The following PRH1 variants were observed in gnomAD, a reference collection of about 807,000 sequenced individuals.
PRH1 encodes the protein salivary acidic proline-rich phosphoprotein 1/2.
A neutral mutation model predicts 7.9 loss-of-function variants in PRH1; 7 were observed. The ratio of observed to expected loss-of-function variants is 0.89; its 90% CI spans 0.50 to 1.67. PRH1 has a LOEUF of 1.67. Among genes scored for constraint, PRH1 ranks in the 40% most tolerant of loss-of-function variants. PRH1 has a pLI of 0.00. For missense variants in PRH1, 109 were observed against 223.6 expected, an observed-to-expected ratio of 0.49 and a Z score of 3.27; for synonymous variants, 45 against 80.8, an observed-to-expected ratio of 0.56 and a Z score of 2.38.
At chr12:11,000,049 C>A (rs1940508081) in intron 1 of PRH1, among the ~76,000 whole-genome samples, 1 of 152,086 alleles carries the variant, frequency 6.6e-6, no homozygotes, top group Non-Finnish European at 1.5e-5. Flanking sequence ...TTTCACATAT[C>A]ATTTGATGCA....
chr12:11,133,573 G>C (rs779911451), intron 1 of PRH1: 1 of 1,614,114 alleles, frequency 6.2e-7, no homozygotes, highest in Admixed American at 1.7e-5. Flanking sequence ...AAGCTTTTAT[G>C]TGGACCTTGG....
intron 1 of PRH1, among the ~76,000 whole-genome samples, chr12:10,999,336 A>G (rs528656667): frequency 6.6e-6 from 1 of 152,248 alleles, no homozygotes; most frequent in South Asian, 2.1e-4. Context: ...TTTTGGAAAG[A>G]TCTGGAGGCT....
chr12:11,107,657 G>A (rs1226600655), intron 1 of PRH1, among the ~76,000 whole-genome samples: 6 of 152,192 alleles, frequency 3.9e-5, no homozygotes, highest in African/African-American at 1.4e-4. Flanking sequence ...CTTCAAAGCT[G>A]CACGAATCAG....
chr12:11,073,053 A>G (rs1201012330), intron 1 of PRH1, among the ~76,000 whole-genome samples: 1 of 141,624 alleles, frequency 7.1e-6, no homozygotes, highest in African/African-American at 2.5e-5. Flanking sequence ...ACACCTGATA[A>G]TATTTGGAAA....
chr12:11,165,133 C>T (rs1424445267), intron 1 of PRH1, among the ~76,000 whole-genome samples: 1 of 152,200 alleles, frequency 6.6e-6, no homozygotes, highest in South Asian at 2.1e-4. Context: ...GTTCTCATTT[C>T]TCTTAAGAAT....
chr12:10,940,593 C>T (rs1424830509), intron 2 of PRH1, among the ~76,000 whole-genome samples: 8 of 152,136 alleles, frequency 5.3e-5, no homozygotes, highest in African/African-American at 1.7e-4. Context: ...ACATTTTTTT[C>T]ACATATACTC....
Position 10,966,616 on chromosome 12 carries a change from T to G in PRH1, c.-59+7039A>C, listed in dbSNP as rs540522590. ...ACCAGAGCCATCCAGCAAACCCAGCTTAGAAAAACTGAATCCAAAGACATG... is the reference window on the plus strand; with the variant it reads ...ACCAGAGCCATCCAGCAAACCCAGCGTAGAAAAACTGAATCCAAAGACATG... On this transcript the variant is annotated intron_variant, in intron 2 of 3. Coordinates refer to the PRH1 transcript ENST00000539853. Among the ~76,000 whole-genome samples the G allele has an allele frequency of 3.3e-5, 5 of 152,264 alleles. No individual in the cohort carries two copies. In the South Asian group the frequency reaches 8.3e-4, roughly 25 times the overall value.
intron 1 of PRH1, among the ~76,000 whole-genome samples, chr12:11,151,939 A>AT (rs112805039): frequency 6.0e-5 from 9 of 150,370 alleles, no homozygotes; most frequent in Admixed American, 2.0e-4. Context: ...GGTATGTCAT[A>AT]TTTTTTTTTT....
chr12:10,979,562 T>G (rs1743628040), intron 1 of PRH1, among the ~76,000 whole-genome samples: 1 of 152,224 alleles, frequency 6.6e-6, no homozygotes, highest in African/African-American at 2.4e-5. Context: ...GGCCTTACTC[T>G]GAATGAGTTG....
At chr12:10,916,323 A>G (rs769945278) in intron 2 of PRH1, among the ~76,000 whole-genome samples, 22 of 152,236 alleles carry the variant, frequency 1.4e-4, no homozygotes, top group Non-Finnish European at 2.5e-4. Flanking sequence ...ATGGGGACAC[A>G]GAAAAACCAT....
intron 3 of PRH1, among the ~76,000 whole-genome samples, chr12:10,881,947 A>G (rs1217989368): frequency 6.6e-6 from 1 of 152,210 alleles, no homozygotes; most frequent in Non-Finnish European, 1.5e-5. Flanking sequence ...CAAAGGGGGA[A>G]CATGGTTCTA....
intron 1 of PRH1, chr12:11,092,351 G>A (rs116645945): frequency 0.047 from 16,233 of 348,838 alleles, 3,771 homozygotes; most frequent in Middle Eastern, 0.085. Flanking sequence ...GGTGAGTGTT[G>A]CTGCTCTTAA....
At chr12:11,020,363 G>GATATATATATATATATATAT (rs71051554) in intron 1 of PRH1, among the ~76,000 whole-genome samples, 945 of 87,108 alleles carry the variant, frequency 0.011, 54 homozygotes, top group South Asian at 0.022. Context: ...TATGATAAGC[G>GATATATATATATATATATAT]ATATATATAT....
chr12:11,033,581 A>C (rs1235831968), intron 1 of PRH1, among the ~76,000 whole-genome samples: 1 of 152,142 alleles, frequency 6.6e-6, no homozygotes, highest in African/African-American at 2.4e-5. Flanking sequence ...GGGAATGGCA[A>C]AGGTTTGTCC....
chr12:10,952,391 C>T (rs191616205), intron 2 of PRH1, among the ~76,000 whole-genome samples: 13 of 152,276 alleles, frequency 8.5e-5, no homozygotes, highest in East Asian at 3.9e-4. Flanking sequence ...ACCCTCATCA[C>T]GTCACAGAAA....
chr12:10,992,078 T>C (rs1009688119), intron 1 of PRH1, among the ~76,000 whole-genome samples: 26 of 152,162 alleles, frequency 1.7e-4, no homozygotes, highest in African/African-American at 5.8e-4. Flanking sequence ...GCCTTTGACA[T>C]TGAAAATCAA....
Position 11,090,573 on chromosome 12 carries a change from G to T in PRH1, n.124-43385C>A, listed in dbSNP as rs1220265347. 1.9e-5 allele frequency among the ~76,000 whole-genome samples: 2 copies of T among 104,714 alleles called. 1 individual carries two copies. The highest frequency in any genetic ancestry group is 6.0e-5 in the African/African-American group (2 of 33,584). The allele number at this position is 104,714 out of a possible 152,430, so 68.7% of individuals were successfully genotyped here. A position where few individuals can be genotyped will look rare whatever the true frequency, so the allele number is the denominator to read the frequency against. ...CATGATGTTTCATCCCTTTATTAGA[G>T]AAGGAATTTTTTCCTAAGCTATTCA... is the stretch of plus-strand genomic sequence containing the variant. On this transcript the variant is annotated intron_variant and non_coding_transcript_variant, in intron 1 of 4. Coordinates refer to the PRH1 transcript ENST00000541977.
At chr12:11,129,346 TCTC>T (rs1946253751) in intron 1 of PRH1, among the ~76,000 whole-genome samples, 2 of 152,298 alleles carry the variant, frequency 1.3e-5, no homozygotes, top group Non-Finnish European at 2.9e-5. Flanking sequence ...CTGGCAGGAC[TCTC>T]ACATTCTTCG....
chr12:10,997,860 G>A (rs1186230608), intron 1 of PRH1: 6 of 1,594,200 alleles, frequency 3.8e-6, no homozygotes, highest in Non-Finnish European at 5.1e-6. Flanking sequence ...AAAACAATGT[G>A]TAGAAAACTC....
Sources: gnomAD v4.1 joint callset for allele counts (sites outside exome capture counted in the v4.1 genomes callset) on GRCh38, gnomAD v4.1.1 for gene constraint, MANE v1.5 for transcripts, NCBI Gene and HGNC (gene_info 2026-07-23, HGNC 2026-07-21) for gene names.